Variants in ECE1 observed in about 807,000 individuals in gnomAD.
ECE1 encodes the protein endothelin converting enzyme 1.
A neutral mutation model predicts 98.6 loss-of-function variants in ECE1; 35 were observed. The observed-to-expected ratio is 0.35, with a 90% confidence interval of 0.27 to 0.47. ECE1 has a LOEUF of 0.47. Among genes scored for constraint, ECE1 ranks in the 20% least tolerant of loss-of-function variants. The pLI is 1.00. For synonymous variants in ECE1, 394 were observed against 407.1 expected (o/e 0.97, Z 0.39); for missense variants, 814 against 1,025.3 (o/e 0.79, Z 2.81).
chr1:21,289,637 C>T (rs1196470856), intron 2 of ECE1, among the ~76,000 whole-genome samples: 3 of 152,128 alleles, frequency 2.0e-5, no homozygotes, highest in Non-Finnish European at 4.4e-5. Context: ...CAGTTTGCCC[C>T]GGACTGGGGG....
intron 14 of ECE1, among the ~76,000 whole-genome samples, chr1:21,229,132 C>T (rs930250083): frequency 3.3e-5 from 5 of 151,976 alleles, no homozygotes; most frequent in African/African-American, 9.7e-5. Context: ...TGAGCCACTG[C>T]GCCGTCATAA....
Position 21,279,289 on chromosome 1 carries a change from G to A in ECE1, c.182C>T (p.Ala61Val). 6.2e-7 allele frequency: 1 copy of A among 1,614,196 alleles called. No individual in the cohort carries two copies. The highest frequency in any genetic ancestry group is 8.5e-7 in the Non-Finnish European group (1 of 1,180,038). Residue 61 changes from alanine (A) to valine (V), a missense_variant, in exon 3 of 19, where the codon GCA (alanine) becomes GTA (valine). By Grantham distance (64) the Ala-to-Val change is moderately conservative. Around this residue, in one of 3 missense-constraint regions of ECE1, gnomAD observed 257 missense variants for 278.9 expected, o/e 0.92. Coordinates refer to ENST00000374893, the MANE Select transcript of ECE1 (RefSeq NM_001397.3). ...SPRSGQRCWAARTQVEKRLVV... is the reference protein window; with the variant it reads ...SPRSGQRCWAVRTQVEKRLVV... ...CAGCCGCTTCTCCACCTGGGTCCGT[G>A]CAGCCCAGCACCTCTGGCCACTCCG...
In ECE1 at chr1:21,257,659, C is replaced by A. The variant is rs3026878; in HGVS notation, c.763-69G>T. The A allele has an allele frequency of 1.5e-3, 2,265 of 1,542,938 alleles. 19 individuals are homozygous for A. Among genetic ancestry groups the A allele is most frequent in the South Asian group, 9.5e-3 (848 of 88,940 alleles). On this transcript the variant is annotated intron_variant, in intron 6 of 18. Transcript: ENST00000374893. Reference sequence around the variant, plus strand: ...CGTGTATCCACTGCACGGCCTCCTGCCCTGGGAATGGCTGGCACATGGCAG... The same window carrying A: ...CGTGTATCCACTGCACGGCCTCCTGACCTGGGAATGGCTGGCACATGGCAG...
At chr1:21,325,114 A>G (rs1307352683) in intron 1 of ECE1, among the ~76,000 whole-genome samples, 1 of 152,198 alleles carries the variant, frequency 6.6e-6, no homozygotes, top group Non-Finnish European at 1.5e-5. Flanking sequence ...GCAAAATCCA[A>G]TTTTGTGTAC....
In ECE1 at chr1:21,290,386, G is replaced by T; in HGVS notation, c.29C>A (p.Ser10Tyr). The T allele has an allele frequency of 3.2e-6, 4 of 1,237,038 alleles. No individual in the cohort carries two copies. In the South Asian group the frequency reaches 1.5e-4, roughly 48 times the overall value. 76.6% of individuals were successfully genotyped at this position (1,237,038 alleles called of 1,614,324 possible). A position where few individuals can be genotyped will look rare whatever the true frequency, so the allele number is the denominator to read the frequency against. The change falls in exon 1 of 19, where the codon TCC becomes TAC. Residue 10 changes from serine (S) to tyrosine (Y), a missense_variant. Ser to Tyr is a moderately radical substitution (Grantham distance 144). Coordinates refer to ENST00000374893, the MANE Select transcript of ECE1 (RefSeq NM_001397.3). The surrounding 1 kb of genome is among the most constrained non-coding windows in gnomAD (Gnocchi z 7.3). ...CACCCCCAGCGCCGACAGCAGGGCG[G>T]ACACCGGGGGCGGCCACACGCCCCG... MRGVWPPPV[S>Y]ALLSALGMST...
At position 21,249,967 on chromosome 1, in the gene ECE1, C is replaced by T. The variant is rs1226285205; in HGVS notation, c.1021-2604G>A. Among the ~76,000 whole-genome samples, 8 of 141,874 alleles carry T rather than the reference C, an allele frequency of 5.6e-5. 1 individual carries two copies. Among genetic ancestry groups the T allele is most frequent in the African/African-American group, 2.2e-4 (8 of 36,934 alleles). 93.1% of individuals were successfully genotyped at this position (141,874 alleles called of 152,430 possible). On this transcript the variant is annotated intron_variant, in intron 8 of 18. Coordinates refer to ENST00000374893, the MANE Select transcript of ECE1 (RefSeq NM_001397.3). ...TTTTTTTTTTTTTTTTTAATAGAGACGGGGTTTTACCATATTGGTCAGACT... is the reference window on the plus strand; with the variant it reads ...TTTTTTTTTTTTTTTTTAATAGAGATGGGGTTTTACCATATTGGTCAGACT...
At chr1:21,222,791 G>A (rs868050891) in intron 17 of ECE1, among the ~76,000 whole-genome samples, 9 of 134,542 alleles carry the variant, frequency 6.7e-5, no homozygotes, top group African/African-American at 2.5e-4. Context: ...GCAGTGAGCC[G>A]AGATTGCGCC....
intron 2 of ECE1, chr1:21,279,646 C>A: frequency 7.0e-7 from 1 of 1,418,654 alleles, no homozygotes. Context: ...GTGAGGAGTT[C>A]AAAAAAGAAC....
intron 3 of ECE1, among the ~76,000 whole-genome samples, chr1:21,276,321 C>T (rs991464466): frequency 2.0e-5 from 3 of 152,122 alleles, no homozygotes; most frequent in South Asian, 2.1e-4. Context: ...CCACTGCGCC[C>T]GGCCTCAATA....
intron 9 of ECE1, among the ~76,000 whole-genome samples, chr1:21,245,521 G>A (rs772585914): frequency 5.9e-5 from 9 of 152,172 alleles, no homozygotes; most frequent in African/African-American, 1.9e-4. Context: ...AATAGCAGGG[G>A]CAGGAAAAGA....
At chr1:21,314,564 C>G (rs550524610) in intron 1 of ECE1, among the ~76,000 whole-genome samples, 2 of 152,372 alleles carry the variant, frequency 1.3e-5, no homozygotes, top group African/African-American at 4.8e-5. Context: ...CCTTGCCAAG[C>G]TGGGTGACCC....
chr1:21,224,590 A>G (rs1300725676), intron 17 of ECE1, among the ~76,000 whole-genome samples: 1 of 152,066 alleles, frequency 6.6e-6, no homozygotes, highest in Non-Finnish European at 1.5e-5. Flanking sequence ...TGACAGCTCT[A>G]TGGATTTCTG....
At chr1:21,304,041 C>A (rs1312503234) in intron 1 of ECE1, among the ~76,000 whole-genome samples, 3 of 149,620 alleles carry the variant, frequency 2.0e-5, no homozygotes, top group Middle Eastern at 3.5e-3. Context: ...AAGGGCCGGG[C>A]GCAGTGGCTC....
At chr1:21,343,236 A>G (rs544801688) in intron 1 of ECE1, among the ~76,000 whole-genome samples, 1 of 152,368 alleles carries the variant, frequency 6.6e-6, no homozygotes, top group Admixed American at 6.5e-5. Context: ...GGAAGCTCCC[A>G]TAACACTGTT....
intron 10 of ECE1, among the ~76,000 whole-genome samples, chr1:21,238,823 C>CT (rs955268090): frequency 3.3e-5 from 5 of 150,916 alleles, no homozygotes; most frequent in Admixed American, 1.3e-4. Flanking sequence ...TTCTTTTTTT[C>CT]TTTTTTTTTG....
intron 8 of ECE1, among the ~76,000 whole-genome samples, chr1:21,253,767 TA>T (rs571502222): frequency 2.8e-3 from 332 of 119,038 alleles, no homozygotes; most frequent in East Asian, 4.7e-3. Context: ...TGTCTCAAAT[TA>T]AAAAAAAAAA....
chr1:21,278,256 G>A (rs1051081140), intron 3 of ECE1, among the ~76,000 whole-genome samples: 6 of 152,282 alleles, frequency 3.9e-5, no homozygotes, highest in South Asian at 4.1e-4. Flanking sequence ...CCACCCCTTC[G>A]CACTTCTTAA....
In ECE1 at chr1:21,248,782, T is replaced by G. The variant is rs1362174917; in HGVS notation, c.1021-1419A>C. Among the ~76,000 whole-genome samples the G allele has an allele frequency of 1.5e-4, 23 of 151,804 alleles. No individual in the cohort carries two copies. In the East Asian group the frequency reaches 3.7e-3, roughly 25 times the overall value. ...TGGGATTACAGGTGTGAGCCACCAC[T>G]CCTGGCTAATTTTTGTATTTTTAGT... On this transcript the variant is annotated intron_variant, in intron 8 of 18. Coordinates refer to ENST00000374893, the MANE Select transcript of ECE1 (RefSeq NM_001397.3).
chr1:21,248,845 G>A (rs888201493), intron 8 of ECE1, among the ~76,000 whole-genome samples: 10 of 151,368 alleles, frequency 6.6e-5, no homozygotes, highest in Non-Finnish European at 1.5e-4. Context: ...GGCTGGTCTC[G>A]AACTCCTGAC....
Sources: allele counts gnomAD v4.1 joint callset (sites outside exome capture counted in the v4.1 genomes callset), GRCh38; gene constraint gnomAD v4.1.1; regional missense constraint gnomAD v4.1.1; non-coding constraint Gnocchi (gnomAD v3.1); transcripts MANE v1.5; gene names NCBI Gene and HGNC (gene_info 2026-07-23, HGNC 2026-07-21).